Variants in TFCP2 observed in about 807,000 individuals in gnomAD.
The protein encoded by TFCP2 is alpha-globin transcription factor CP2.
A neutral mutation model predicts 73.4 loss-of-function variants in TFCP2; 33 were observed. The ratio of observed to expected loss-of-function variants is 0.45; its 90% CI spans 0.34 to 0.60. The LOEUF is 0.60. Among genes scored for constraint, TFCP2 ranks in the 20% least tolerant of loss-of-function variants. TFCP2 has a pLI of 0.01. For missense variants in TFCP2, 352 were observed against 604.0 expected (o/e 0.58, Z 4.37); for synonymous variants, 193 against 211.6 (o/e 0.91, Z 0.76).
chr12:51,115,538 C>T (rs1349193375), intron 4 of TFCP2, among the ~76,000 whole-genome samples: 1 of 152,178 alleles, frequency 6.6e-6, no homozygotes, highest in Non-Finnish European at 1.5e-5. Context: ...CCAGCAATTC[C>T]ATTTCTGGAT....
chr12:51,128,480 A>AT lies in TFCP2; in HGVS notation c.123-9709_123-9708insA, dbSNP rs1186697589. On this transcript the variant is annotated intron_variant, in intron 1 of 14. Coordinates refer to ENST00000257915, the MANE Select transcript of TFCP2 (RefSeq NM_005653.5). ...CCCTAAAACTTAAAGTATAATAATA[A>AT]AAAAAAAAAAAACAAAAAAAACAAA... Among the ~76,000 whole-genome samples, 10 of 7,650 alleles carry AT rather than the reference A, an allele frequency of 1.3e-3. No homozygotes were observed. The East Asian group carries it at 0.03, about 23-fold the overall frequency. 5.0% of individuals were successfully genotyped at this position (7,650 alleles called of 152,430 possible).
At position 51,101,925 on chromosome 12, in the gene TFCP2, A is replaced by G. The variant is rs772863663; in HGVS notation, c.1151+10T>C. ...CCAACCTTATTGATATTTTAACACT[A>G]ATTACATACCGGCCTTTTAATGCAT... On this transcript the variant is annotated intron_variant, in intron 11 of 14. Transcript: ENST00000257915. 1.6e-5 allele frequency: 26 copies of G among 1,578,728 alleles called. No individual in the cohort carries two copies. The highest frequency in any genetic ancestry group is 2.3e-5 in the Non-Finnish European group (26 of 1,148,318).
Position 51,095,203 on chromosome 12 carries a change from A to T in TFCP2, c.*38T>A. ...TTCAAGAGGGCCGTTTTCAGAGGTG[A>T]AGGAAGGAGCAGCCACTGGGCACGA... On this transcript the variant is annotated 3_prime_UTR_variant, in exon 15 of 15. Transcript: ENST00000257915. 6.2e-7 allele frequency: 1 copy of T among 1,611,582 alleles called. No homozygotes were observed. Among genetic ancestry groups the T allele is most frequent in the Non-Finnish European group, 8.5e-7 (1 of 1,177,686 alleles).
At chr12:51,095,529 G>A (rs1280255622) in intron 14 of TFCP2, among the ~76,000 whole-genome samples, 1 of 151,962 alleles carries the variant, frequency 6.6e-6, no homozygotes, top group Non-Finnish European at 1.5e-5. Flanking sequence ...ATGGCAAAAA[G>A]CTGGGCCAGG....
chr12:51,094,968 TAG>T lies in TFCP2; in HGVS notation c.*271_*272del, dbSNP rs548333968. ...TGCCCTACATACACTCTAAATTATG[TAG>T]AGTTTCTACTGATATTTAACAACAA... is the stretch of plus-strand genomic sequence containing the variant. On this transcript the variant is annotated 3_prime_UTR_variant, in exon 15 of 15. Transcript: ENST00000257915. 5.1e-4 allele frequency: 244 copies of T among 475,480 alleles called. 1 individual carries two copies. Among genetic ancestry groups the T allele is most frequent in the African/African-American group, 4.2e-3 (222 of 52,312 alleles). 29.5% of individuals were successfully genotyped at this position (475,480 alleles called of 1,614,324 possible).
chr12:51,114,376 C>T (rs969954161), intron 4 of TFCP2, among the ~76,000 whole-genome samples: 6 of 152,096 alleles, frequency 3.9e-5, no homozygotes, highest in Non-Finnish European at 7.4e-5. Context: ...GAGGCCAAGG[C>T]GGGTGGATCA....
Position 51,125,084 on chromosome 12 carries a change from G to A in TFCP2, c.123-6312C>T, listed in dbSNP as rs941337731. 1.3e-5 allele frequency: 10 copies of A among 755,412 alleles called. No individual in the cohort carries two copies. The East Asian group carries it at 1.5e-4, about 11-fold the overall frequency. The allele number at this position is 755,412 out of a possible 1,614,324, so 46.8% of individuals were successfully genotyped here. On this transcript the variant is annotated intron_variant, in intron 1 of 14. Coordinates refer to ENST00000257915, the MANE Select transcript of TFCP2 (RefSeq NM_005653.5). Reference sequence around the variant, plus strand: ...GCACAGGCTCATCATAGTCCTCTCCGATGCTGGTGAAGATGCGAGGAAGCT... The same window carrying A: ...GCACAGGCTCATCATAGTCCTCTCCAATGCTGGTGAAGATGCGAGGAAGCT...
intron 4 of TFCP2, among the ~76,000 whole-genome samples, chr12:51,112,596 G>T (rs1289773766): frequency 1.3e-5 from 2 of 152,180 alleles, no homozygotes; most frequent in African/African-American, 4.8e-5. Flanking sequence ...GCCAAGCGTG[G>T]TGGCTCACGC....
At position 51,119,092 on chromosome 12, in the gene TFCP2, G is replaced by A. The variant is rs200323397; in HGVS notation, c.123-320C>T. ...GTATAAATCTAGGACATTCAGTAAC[G>A]TCTTCATTCTCAGAAAGGCAACAAC... On this transcript the variant is annotated intron_variant, in intron 1 of 14. Coordinates refer to ENST00000257915, the MANE Select transcript of TFCP2 (RefSeq NM_005653.5). 2.7e-4 allele frequency among the ~76,000 whole-genome samples: 41 copies of A among 152,314 alleles called. No homozygotes were observed. In the East Asian group the frequency reaches 4.2e-3, roughly 16 times the overall value.
intron 1 of TFCP2, among the ~76,000 whole-genome samples, chr12:51,140,843 G>C (rs1368197329): frequency 1.3e-5 from 2 of 152,042 alleles, no homozygotes; most frequent in East Asian, 3.9e-4. Context: ...ATCATCTGAG[G>C]TCAAGAGTTT....
chr12:51,103,656 A>G lies in TFCP2; in HGVS notation c.1060+14T>C, dbSNP rs112863221. 71 of 1,607,826 alleles carry G rather than the reference A, an allele frequency of 4.4e-5. 3 individuals carry two copies. In the South Asian group the frequency reaches 5.6e-4, roughly 13 times the overall value. ...TTTCATGCTAGGGAAAACAAAAGAA[A>G]AAGAAAATTTAACCTGAGAAGTTTG... is the stretch of plus-strand genomic sequence containing the variant. On this transcript the variant is annotated intron_variant, in intron 10 of 14. Coordinates refer to ENST00000257915, the MANE Select transcript of TFCP2 (RefSeq NM_005653.5).
rs553722112 is a variant in TFCP2 at position 51,114,508 on chromosome 12, G to A, written c.457+1807C>T. On this transcript the variant is annotated intron_variant, in intron 4 of 14. Transcript: ENST00000257915. ...TAATCCCAGCTACTCAGGAGGCTGA[G>A]GCAGGAAAATCGCTTGAACCCGGGA... 1.4e-4 allele frequency among the ~76,000 whole-genome samples: 21 copies of A among 152,126 alleles called. No homozygotes were observed. The South Asian group carries it at 2.1e-3, about 15-fold the overall frequency.
intron 1 of TFCP2, among the ~76,000 whole-genome samples, chr12:51,140,194 T>TA (rs1348443731): frequency 6.6e-6 from 1 of 152,160 alleles, no homozygotes; most frequent in Non-Finnish European, 1.5e-5. Context: ...CTCTAACACT[T>TA]ATGCATGGAT....
chr12:51,109,313 T>G (rs1940336449), intron 5 of TFCP2, 40 bp from the exon 6 acceptor site: 1 of 1,601,510 alleles, frequency 6.2e-7, no homozygotes, highest in African/African-American at 1.3e-5. Flanking sequence ...TACCGCTAGC[T>G]AGCCAAACCA....
intron 1 of TFCP2, among the ~76,000 whole-genome samples, chr12:51,121,991 G>C (rs975420487): frequency 7.2e-5 from 11 of 152,100 alleles, no homozygotes; most frequent in Admixed American, 6.6e-4. Flanking sequence ...ACTATTGACA[G>C]AAAGTTGACT....
intron 1 of TFCP2, among the ~76,000 whole-genome samples, chr12:51,169,059 C>T (rs1409910300): frequency 1.3e-5 from 2 of 151,958 alleles, no homozygotes; most frequent in Admixed American, 1.3e-4. Context: ...ACCTCAGTCT[C>T]CCAAAGTGTT....
At chr12:51,105,099 T>C (rs1413707834) in intron 8 of TFCP2, among the ~76,000 whole-genome samples, 3 of 151,066 alleles carry the variant, frequency 2.0e-5, no homozygotes, top group East Asian at 1.9e-4. Flanking sequence ...TTTTTCTTTT[T>C]CTTTTTTTTT....
At chr12:51,119,265 T>G (rs1239896314) in intron 1 of TFCP2, among the ~76,000 whole-genome samples, 5 of 152,222 alleles carry the variant, frequency 3.3e-5, no homozygotes, top group Non-Finnish European at 7.3e-5. Flanking sequence ...CAACTAATAT[T>G]GAGATGTTCC....
At position 51,109,172 on chromosome 12, in the gene TFCP2, C is replaced by T; in HGVS notation, c.666G>A (p.Gly222=). ...CCGAGTGTAAGTGCTCAGTATATTC[C>T]CCGTTTTCATTCTCCTTGAAGGTAT... ...QIDTFKENEN[G]EYTEHLHSAS... Residue 222 remains glycine (G), a synonymous_variant, in exon 6 of 15, where the codon GGG becomes GGA. Transcript: ENST00000257915. 6.2e-7 allele frequency: 1 copy of T among 1,614,152 alleles called. No individual in the cohort carries two copies. The highest frequency in any genetic ancestry group is 8.5e-7 in the Non-Finnish European group (1 of 1,180,030).
Sources: allele counts gnomAD v4.1 joint callset (sites outside exome capture counted in the v4.1 genomes callset), GRCh38; gene constraint gnomAD v4.1.1; transcripts MANE v1.5; gene names NCBI Gene and HGNC (gene_info 2026-07-23, HGNC 2026-07-21).